The following TMEM132C variants were observed in gnomAD, a reference collection of about 807,000 sequenced individuals.
TMEM132C encodes the protein transmembrane protein 132C, also known as protein phosphatase 1, regulatory subunit 152.
Under a neutral mutation model 61.4 loss-of-function variants are expected in TMEM132C, and 29 were observed. That is an observed-to-expected ratio of 0.47 (90% confidence interval 0.35 to 0.64). The LOEUF is 0.64. Among genes scored for constraint, TMEM132C ranks in the 30% least tolerant of loss-of-function variants. TMEM132C has a pLI of 0.00. For missense variants in TMEM132C, 1,408 were observed against 1,476.9 expected (o/e 0.95, Z 0.76); for synonymous variants, 656 against 633.1 (o/e 1.04, Z -0.54).
At chr12:128,438,468 A>G (rs1242480196) in intron 2 of TMEM132C, among the ~76,000 whole-genome samples, 1 of 152,134 alleles carries the variant, frequency 6.6e-6, no homozygotes, top group Non-Finnish European at 1.5e-5. Flanking sequence ...GGTCCTCACC[A>G]GATTCAGATG....
At chr12:128,624,691 T>C (rs1201928058) in intron 4 of TMEM132C, among the ~76,000 whole-genome samples, 2 of 152,158 alleles carry the variant, frequency 1.3e-5, no homozygotes, top group Non-Finnish European at 2.9e-5. Flanking sequence ...AAGCTTCAGG[T>C]TACACTTCTA....
chr12:128,508,279 G>A (rs938291758), intron 2 of TMEM132C, among the ~76,000 whole-genome samples: 4 of 152,238 alleles, frequency 2.6e-5, no homozygotes, highest in South Asian at 2.1e-4. Context: ...GGGGGAAACC[G>A]CCTCCGTGAT....
chr12:128,596,970 C>T (rs1228853972), intron 3 of TMEM132C, among the ~76,000 whole-genome samples: 3 of 152,210 alleles, frequency 2.0e-5, no homozygotes, highest in African/African-American at 7.2e-5. Flanking sequence ...GCTTTCAAGG[C>T]GTTCCATAAT....
At chr12:128,581,168 C>T (rs1875320084) in intron 3 of TMEM132C, among the ~76,000 whole-genome samples, 1 of 152,134 alleles carries the variant, frequency 6.6e-6, no homozygotes, top group Non-Finnish European at 1.5e-5. Context: ...TATAAAGTCA[C>T]TGCCACTGAT....
intron 2 of TMEM132C, among the ~76,000 whole-genome samples, chr12:128,420,301 T>G (rs1259647801): frequency 2.0e-5 from 3 of 152,102 alleles, no homozygotes; most frequent in Non-Finnish European, 4.4e-5. Context: ...GGTAATACAA[T>G]TTAAGGTGAC....
intron 3 of TMEM132C, among the ~76,000 whole-genome samples, chr12:128,602,262 T>G (rs563012287): frequency 1.3e-5 from 2 of 152,340 alleles, no homozygotes; most frequent in African/African-American, 4.8e-5. Context: ...CGCATGAGTG[T>G]ATTTCCAATC....
chr12:128,455,768 A>G (rs1016788367), intron 2 of TMEM132C, among the ~76,000 whole-genome samples: 5 of 152,184 alleles, frequency 3.3e-5, no homozygotes, highest in African/African-American at 1.2e-4. Flanking sequence ...AAACGAAGAC[A>G]AAACAGGTGT....
intron 2 of TMEM132C, among the ~76,000 whole-genome samples, chr12:128,537,743 G>T (rs1873585553): frequency 6.6e-6 from 1 of 152,064 alleles, no homozygotes; most frequent in Non-Finnish European, 1.5e-5. Flanking sequence ...CTATACATAG[G>T]ATATAATTTC....
At chr12:128,526,231 C>T (rs886797242) in intron 2 of TMEM132C, among the ~76,000 whole-genome samples, 1 of 152,208 alleles carries the variant, frequency 6.6e-6, no homozygotes, top group African/African-American at 2.4e-5. Context: ...TGTAAGAAAA[C>T]ACCATAGGCT....
chr12:128,488,711 AT>A (rs1871593727), intron 2 of TMEM132C, among the ~76,000 whole-genome samples: 1 of 151,636 alleles, frequency 6.6e-6, no homozygotes, highest in South Asian at 2.1e-4. Context: ...AATATTGTAT[AT>A]TAATGTTATA....
chr12:128,606,499 T>A (rs975168470), intron 3 of TMEM132C, among the ~76,000 whole-genome samples: 14 of 152,234 alleles, frequency 9.2e-5, no homozygotes, highest in African/African-American at 3.4e-4. Flanking sequence ...CTTCAACATT[T>A]ATGCAGTGGG....
chr12:128,677,607 C>G (rs1468282515), intron 5 of TMEM132C, among the ~76,000 whole-genome samples: 1 of 152,062 alleles, frequency 6.6e-6, no homozygotes, highest in African/African-American at 2.4e-5. Context: ...ATCCCCTCAC[C>G]CTAATGACAC....
rs532807410 is a variant in TMEM132C at position 128,285,651 on chromosome 12, C to CTCTA, written c.85+18167_85+18168insATCT. On this transcript the variant is annotated intron_variant, in intron 1 of 8. Coordinates refer to ENST00000435159, the MANE Select transcript of TMEM132C (RefSeq NM_001136103.3). ...GGACATATTCATTCTCTCTCTCTCTCTCTCTCCCTCTCCCTCCCCTCGCCC... is the reference window on the plus strand; with the variant it reads ...GGACATATTCATTCTCTCTCTCTCTCTCTATCTCTCCCTCTCCCTCCCCTCGCCC... Among the ~76,000 whole-genome samples the CTCTA allele has an allele frequency of 2.4e-3, 363 of 151,554 alleles. 11 individuals carry two copies. Among genetic ancestry groups the CTCTA allele is most frequent in the African/African-American group, 8.6e-3 (353 of 41,110 alleles).
intron 1 of TMEM132C, among the ~76,000 whole-genome samples, chr12:128,402,612 A>G (rs1875200627): frequency 6.6e-6 from 1 of 151,186 alleles, no homozygotes; most frequent in Non-Finnish European, 1.5e-5. Context: ...TGAGCCAATC[A>G]GAACCCACCT....
chr12:128,675,399 A>C (rs913015431), intron 5 of TMEM132C, among the ~76,000 whole-genome samples: 1 of 152,240 alleles, frequency 6.6e-6, no homozygotes, highest in South Asian at 2.1e-4. Context: ...CAACTTGTAC[A>C]TGGCAGAGAA....
chr12:128,571,366 T>C (rs779051686), intron 3 of TMEM132C, among the ~76,000 whole-genome samples: 1 of 152,232 alleles, frequency 6.6e-6, no homozygotes, highest in African/African-American at 2.4e-5. Flanking sequence ...AAGGAGAATG[T>C]TTTTTAATGA....
At chr12:128,625,667 G>GC (rs1293351986) in intron 4 of TMEM132C, among the ~76,000 whole-genome samples, 2 of 152,096 alleles carry the variant, frequency 1.3e-5, no homozygotes, top group African/African-American at 2.4e-5. Context: ...AGGGGAAACT[G>GC]CCCCCCGTGA....
chr12:128,683,854 T>C (rs941091368), intron 5 of TMEM132C, among the ~76,000 whole-genome samples: 2 of 151,930 alleles, frequency 1.3e-5, no homozygotes, highest in African/African-American at 4.8e-5. Flanking sequence ...TCGTCCCAAG[T>C]ACTTGGGAGG....
chr12:128,367,656 G>A (rs1186438422), intron 1 of TMEM132C, among the ~76,000 whole-genome samples: 2 of 151,896 alleles, frequency 1.3e-5, no homozygotes, highest in Non-Finnish European at 2.9e-5. Flanking sequence ...AAGTGTACTT[G>A]TGAACCCTTG....
Sources: allele counts gnomAD v4.1 joint callset (sites outside exome capture counted in the v4.1 genomes callset), GRCh38; gene constraint gnomAD v4.1.1; transcripts MANE v1.5; gene names NCBI Gene and HGNC (gene_info 2026-07-23, HGNC 2026-07-21).